ADAMTS7: variants seen among roughly 807,000 people sequenced by gnomAD.
The protein encoded by ADAMTS7 is A disintegrin and metalloproteinase with thrombospondin motifs 7.
ADAMTS7 carries 89 observed loss-of-function variants against 172.6 expected under a neutral mutation model. That is an observed-to-expected ratio of 0.52 (90% CI 0.43 to 0.61). ADAMTS7 has a LOEUF of 0.61. Ranked by LOEUF, ADAMTS7 falls within the 20% of genes least tolerant of loss-of-function variation. The pLI is 0.00. For missense variants in ADAMTS7, 1,973 were observed against 2,355.6 expected (o/e 0.84, Z 3.36); for synonymous variants, 885 against 978.4 (o/e 0.90, Z 1.78).
At chr15:78,782,795 A>C (rs2055446724) in intron 8 of ADAMTS7, among the ~76,000 whole-genome samples, 1 of 152,010 alleles carries the variant, frequency 6.6e-6, no homozygotes, top group Non-Finnish European at 1.5e-5. Flanking sequence ...GGCTGAAGAC[A>C]GTAGGGCTGA....
At position 78,807,889 on chromosome 15, in the gene ADAMTS7, A is replaced by T. The variant is rs143115648; in HGVS notation, c.100+3232T>A. On this transcript the variant is annotated intron_variant, in intron 1 of 23. Coordinates refer to ENST00000388820, the MANE Select transcript of ADAMTS7 (RefSeq NM_014272.5). ...TATTTATTTCTTTTTTTTTTTTCTG[A>T]GATCTCCCAGGCTGGAGTGCAGTGA... is the stretch of plus-strand genomic sequence containing the variant. Among the ~76,000 whole-genome samples, 770 of 150,756 alleles carry T rather than the reference A, an allele frequency of 5.1e-3. 7 individuals carry two copies. Among genetic ancestry groups the T allele is most frequent in the African/African-American group, 0.017 (706 of 41,144 alleles).
At chr15:78,764,222 AC>A in intron 20 of ADAMTS7, 123 bp from the exon 21 acceptor site, 1 of 1,345,114 alleles carries the variant, frequency 7.4e-7, no homozygotes, top group Non-Finnish European at 9.9e-7. Flanking sequence ...TAGCTGAAGA[AC>A]CCCAGCGAGA....
chr15:78,764,473 C>T (rs11633351), intron 20 of ADAMTS7, 82 bp downstream of exon 20: 554,415 of 1,462,262 alleles, frequency 0.38, 113,045 homozygotes, highest in Non-Finnish European at 0.43. Flanking sequence ...CCTTCCCTGC[C>T]GCTCTCAGAA....
intron 23 of ADAMTS7, chr15:78,761,933 G>T: frequency 1.0e-6 from 1 of 985,398 alleles, no homozygotes; most frequent in East Asian, 1.1e-4. Flanking sequence ...GCAGGACCCT[G>T]GAAAGGAGGC....
chr15:78,764,433 G>A (rs2055105192), intron 20 of ADAMTS7, 122 bp downstream of exon 20: 2 of 1,283,358 alleles, frequency 1.6e-6, no homozygotes, highest in African/African-American at 1.5e-5. Context: ...GGTGTGATCG[G>A]GCACACAGAT....
intron 1 of ADAMTS7, among the ~76,000 whole-genome samples, chr15:78,809,921 G>C (rs367566674): frequency 6.6e-6 from 1 of 152,382 alleles, no homozygotes; most frequent in African/African-American, 2.4e-5. Flanking sequence ...CACACAGTAG[G>C]TGCTCATTAA....
chr15:78,768,070 A>ATGGGGTGGGGAGTTGGCGGGGGC, intron 17 of ADAMTS7, 63 bp downstream of exon 17: 2 of 870,694 alleles, frequency 2.3e-6, no homozygotes, highest in Non-Finnish European at 3.1e-6. Context: ...TTGGCGGGGG[A>ATGGGGTGGGGAGTTGGCGGGGGC]TGGGGGTGGG....
rs181491351 is a variant in ADAMTS7 at position 78,792,869 on chromosome 15, T to C, written c.820-1646A>G. Among the ~76,000 whole-genome samples the C allele has an allele frequency of 4.4e-3, 660 of 151,440 alleles. 2 individuals are homozygous for C. Among genetic ancestry groups the C allele is most frequent in the African/African-American group, 0.015 (612 of 41,274 alleles). ...AGAGAGAGAGAAAGAAGAAAGAAAA[T>C]GGGGTAAAAAGGGACCTGTCTTGCT... is the stretch of plus-strand genomic sequence containing the variant. On this transcript the variant is annotated intron_variant, in intron 4 of 23. Transcript: ENST00000388820.
At chr15:78,777,031 C>A (rs1395048669) in intron 9 of ADAMTS7, 190 bp from the exon 10 acceptor site, 10 of 601,306 alleles carry the variant, frequency 1.7e-5, no homozygotes, top group Non-Finnish European at 2.4e-5. Flanking sequence ...GTGTGGGGCG[C>A]CCGGGGCTGC....
rs527270681 is a variant in ADAMTS7 at position 78,762,548 on chromosome 15, A to G, written c.4758T>C (p.Gly1586=). ...TGACCAGGCGCCGCTGGACACCACC[A>G]CCACAGGGGCCTGAGCACTGAGGGG... ...GPWGQCSGPC[G]GGVQRRLVKC... Residue 1586 remains glycine, a synonymous_variant, in exon 23 of 24, where the codon GGT becomes GGC. Transcript: ENST00000388820. The G allele has an allele frequency of 3.2e-4, 493 of 1,546,772 alleles. 4 individuals carry two copies. The East Asian group carries it at 9.3e-3, about 29-fold the overall frequency.
At chr15:78,784,338 C>T (rs1002886691) in intron 8 of ADAMTS7, among the ~76,000 whole-genome samples, 3 of 133,294 alleles carry the variant, frequency 2.3e-5, no homozygotes, top group East Asian at 5.0e-4. Flanking sequence ...GCACTCCAGC[C>T]TGGGCAACAA....
rs778487631 is a variant in ADAMTS7, at chr15:78,795,376, G to T, written c.819+1214C>A. ...CCATATGGAACAGGGAGCCAATGAG[G>T]GTGTCCCAGTGAGGGAAGAACTGGC... On this transcript the variant is annotated intron_variant, in intron 4 of 23. Transcript: ENST00000388820. 2.0e-5 allele frequency among the ~76,000 whole-genome samples: 3 copies of T among 152,206 alleles called. No homozygotes were observed. In the East Asian group the frequency reaches 5.8e-4, roughly 29 times the overall value.
intron 1 of ADAMTS7, among the ~76,000 whole-genome samples, chr15:78,809,112 G>A (rs1428001460): frequency 6.6e-6 from 1 of 152,136 alleles, no homozygotes; most frequent in Non-Finnish European, 1.5e-5. Context: ...AGAAACACAT[G>A]CACACAGAGT....
chr15:78,771,368 G>C lies in ADAMTS7; in HGVS notation c.2377-65C>G. ...TCTCCATCCACCCAGTCCTAAAGGA[G>C]CTGACCCCAGCCACCTCTGTGAACT... On this transcript the variant is annotated intron_variant, in intron 15 of 23. Coordinates refer to ENST00000388820, the MANE Select transcript of ADAMTS7 (RefSeq NM_014272.5). The surrounding 1 kb of genome is among the most constrained non-coding windows in gnomAD (Gnocchi z 4.9). 1 of 1,608,098 alleles carries C rather than the reference G, an allele frequency of 6.2e-7. No homozygotes were observed.
In ADAMTS7 at chr15:78,763,811, C is replaced by T. The variant is rs754626021; in HGVS notation, c.4628G>A (p.Arg1543His). The change falls in exon 22 of 24, where the codon CGT (arginine) becomes CAT (histidine). Residue 1543 changes from arginine (R) to histidine (H), a missense_variant. Physicochemically the swap from Arg to His is conservative, Grantham distance 29. Coordinates refer to ENST00000388820, the MANE Select transcript of ADAMTS7 (RefSeq NM_014272.5). ...GCCTGGCTCCGGGCAGGTCACTAGACGCTGCTGCTCACCACCGCCACAGGC... is the reference window on the plus strand; with the variant it reads ...GCCTGGCTCCGGGCAGGTCACTAGATGCTGCTGCTCACCACCGCCACAGGC... ...SEACGGGEQQRLVTCPEPGLC... is the reference protein window; with the variant it reads ...SEACGGGEQQHLVTCPEPGLC... The T allele has an allele frequency of 5.1e-6, 8 of 1,581,858 alleles. No individual in the cohort carries two copies. In the South Asian group the frequency reaches 6.8e-5, roughly 14 times the overall value.
intron 16 of ADAMTS7, among the ~76,000 whole-genome samples, chr15:78,770,123 AT>A (rs2055222377): frequency 6.6e-6 from 1 of 152,166 alleles, no homozygotes; most frequent in Admixed American, 6.5e-5. Context: ...AGATTGTGCC[AT>A]TGCACTCCAG....
At chr15:78,765,064 A>G in intron 19 of ADAMTS7, 1 of 248,406 alleles carries the variant, frequency 4.0e-6, no homozygotes, top group Non-Finnish European at 7.7e-6. Context: ...GGGTCCTGGT[A>G]CCAGCAGCCA....
Position 78,766,069 on chromosome 15 carries a change from C to G in ADAMTS7, c.3842G>C (p.Ser1281Thr), listed in dbSNP as rs774378071. The change falls in exon 19 of 24, where the codon AGT (serine) becomes ACT (threonine). Residue 1281 changes from serine to threonine, a missense_variant. Ser to Thr is a moderately conservative substitution (Grantham distance 58). Transcript: ENST00000388820. ...ALEGGLGPVD[S>T]ELWPTVGVAS... ...CACCCCAACAGTGGGCCACAGTTCA[C>G]TGTCCACAGGCCCCAGGCCACCCTC... The G allele has an allele frequency of 3.7e-6, 6 of 1,609,288 alleles. No homozygotes were observed. The highest frequency in any genetic ancestry group is 2.7e-5 in the African/African-American group (2 of 74,872).
Position 78,788,336 on chromosome 15 carries a change from TCACAG to T in ADAMTS7, c.1212_1216del (p.Asp404GlufsTer36). 3 of 1,613,390 alleles carry T rather than the reference TCACAG, an allele frequency of 1.9e-6. No homozygotes were observed. Among genetic ancestry groups the T allele is most frequent in the Non-Finnish European group, 2.5e-6 (3 of 1,180,008 alleles). On this transcript the variant is annotated frameshift_variant, in exon 8 of 24. Transcript: ENST00000388820. LOFTEE classifies it high-confidence loss of function. Reference sequence around the variant, plus strand: ...GATGAAAGGTCGTTTCCCAACGGGCTCACAGTCATTGCCGCTTCCGTCATGCTGAA... The same window carrying T: ...GATGAAAGGTCGTTTCCCAACGGGCTTCATTGCCGCTTCCGTCATGCTGAA...
Sources: allele counts gnomAD v4.1 joint callset (sites outside exome capture counted in the v4.1 genomes callset), GRCh38; gene constraint gnomAD v4.1.1; non-coding constraint Gnocchi (gnomAD v3.1); transcripts MANE v1.5; gene names NCBI Gene and HGNC (gene_info 2026-07-23, HGNC 2026-07-21).